MTG1: variants seen among roughly 807,000 people sequenced by gnomAD.
The protein encoded by MTG1 is mitochondrial ribosome associated GTPase 1, also known as mitochondrial ribosome-associated GTPase 1.
MTG1 carries 30 observed loss-of-function variants against 39.5 expected under a neutral mutation model. The observed-to-expected ratio is 0.76, with a 90% CI of 0.57 to 1.03. The LOEUF is 1.03. Ranked by LOEUF, MTG1 falls within the 50% of genes least tolerant of loss-of-function variation. The pLI, the probability that MTG1 is intolerant of heterozygous loss-of-function variation, is 0.00. For missense variants in MTG1, 513 were observed against 447.4 expected, an observed-to-expected ratio of 1.15 and a Z score of -1.32; for synonymous variants, 217 against 179.0, an observed-to-expected ratio of 1.21 and a Z score of -1.69.
At chr10:133,397,669 G>A (rs1056893987) in intron 3 of MTG1, among the ~76,000 whole-genome samples, 3 of 151,870 alleles carry the variant, frequency 2.0e-5, no homozygotes, top group South Asian at 2.1e-4. Context: ...TAGTAGAGAC[G>A]GGGTTTCACT....
chr10:133,408,826 G>T (rs1016199305), intron 9 of MTG1, among the ~76,000 whole-genome samples: 1 of 152,078 alleles, frequency 6.6e-6, no homozygotes, highest in African/African-American at 2.4e-5. Flanking sequence ...TTTCCAGTTC[G>T]TTGCTGTGTA....
chr10:133,394,918 G>A (rs1849758089), intron 1 of MTG1: 2 of 172,574 alleles, frequency 1.2e-5, no homozygotes, highest in Non-Finnish European at 2.3e-5. Context: ...GGGGGAAGAA[G>A]GGCCCGTGTG....
intron 10 of MTG1, among the ~76,000 whole-genome samples, 195 bp from the exon 11 acceptor site, chr10:133,419,831 T>G (rs903053287): frequency 2.0e-5 from 3 of 152,166 alleles, no homozygotes; most frequent in Admixed American, 1.3e-4. Flanking sequence ...GGTGGACACC[T>G]GCAGGCCTCA....
chr10:133,408,841 T>C (rs147632443), intron 9 of MTG1, among the ~76,000 whole-genome samples: 18 of 152,358 alleles, frequency 1.2e-4, no homozygotes, highest in African/African-American at 3.8e-4. Context: ...TGTGTAGTTG[T>C]TCGTAGTAGT....
At position 133,410,246 on chromosome 10, in the gene MTG1, G is replaced by A. The variant is rs550097776; in HGVS notation, c.752+7473G>A. Among the ~76,000 whole-genome samples, 89 of 152,092 alleles carry A rather than the reference G, an allele frequency of 5.9e-4. 1 individual carries two copies. Among genetic ancestry groups the A allele is most frequent in the Admixed American group, 2.9e-3 (44 of 15,274 alleles). On this transcript the variant is annotated intron_variant, in intron 9 of 10. Transcript: ENST00000317502. ...TTATTTATTTATTTTTTGTAGAGGC[G>A]AGGTCTTGCTATGTTGCTGAGGCTG...
chr10:133,402,714 C>G lies in MTG1; in HGVS notation c.693C>G (p.Val231=). ...CAGGAACGGTGCTGGACCACCTGGT[C>G]GGGGAGGAGACCATGGCTGACTACC... The part of the protein sequence containing the change: ...ALCGTVLDHL[V]GEETMADYLL... The change falls in exon 9 of 11, where the codon GTC becomes GTG. Residue 231 remains valine, a synonymous_variant. Coordinates refer to ENST00000317502, the MANE Select transcript of MTG1 (RefSeq NM_138384.4). This position sits in a 1 kb window ranked among gnomAD's most constrained non-coding sequence, Gnocchi z 4.7. 1 of 1,607,678 alleles carries G rather than the reference C, an allele frequency of 6.2e-7. No homozygotes were observed. The highest frequency in any genetic ancestry group is 8.5e-7 in the Non-Finnish European group (1 of 1,177,432).
chr10:133,394,652 C>G, intron 1 of MTG1: 1 of 1,192,022 alleles, frequency 8.4e-7, no homozygotes, highest in Non-Finnish European at 1.0e-6. Context: ...CCCTTTTAAT[C>G]CCCCGAAGCC....
chr10:133,410,419 A>T (rs942732495), intron 9 of MTG1, among the ~76,000 whole-genome samples: 1 of 152,118 alleles, frequency 6.6e-6, no homozygotes, highest in Non-Finnish European at 1.5e-5. Context: ...ATGGATAAAG[A>T]CTTAATATTG....
chr10:133,396,311 T>G, intron 3 of MTG1, 44 bp downstream of exon 3: 1 of 1,522,974 alleles, frequency 6.6e-7, no homozygotes, highest in Non-Finnish European at 9.1e-7. Flanking sequence ...GTGGCTGTGT[T>G]TTCCCGAGGT....
chr10:133,395,589 C>T, intron 1 of MTG1, 124 bp from the exon 2 acceptor site: 1 of 885,530 alleles, frequency 1.1e-6, no homozygotes, highest in Non-Finnish European at 1.8e-6. Context: ...ACTTAGTACG[C>T]TTCCCTCAGA....
intron 9 of MTG1, among the ~76,000 whole-genome samples, chr10:133,404,860 T>A (rs1849947749): frequency 2.0e-5 from 3 of 152,156 alleles, no homozygotes. Context: ...TATACGTGGG[T>A]CTGTTTGTGG....
At chr10:133,397,781 T>TG (rs1849809290) in intron 3 of MTG1, among the ~76,000 whole-genome samples, 1 of 144,564 alleles carries the variant, frequency 6.9e-6, no homozygotes, top group South Asian at 2.1e-4. Flanking sequence ...TCCAGCCTGT[T>TG]TTTTTTTTTT....
chr10:133,412,908 T>C (rs1197151975), intron 9 of MTG1, among the ~76,000 whole-genome samples: 7 of 152,258 alleles, frequency 4.6e-5, no homozygotes, highest in Admixed American at 3.9e-4. Context: ...AATTTCCCAC[T>C]GTAACTGAAT....
At chr10:133,412,251 C>G (rs1035521849) in intron 9 of MTG1, among the ~76,000 whole-genome samples, 2 of 152,224 alleles carry the variant, frequency 1.3e-5, no homozygotes, top group African/African-American at 4.8e-5. Context: ...TTCTACTTCT[C>G]TATTTGGTGA....
Sources: gnomAD v4.1 joint callset for allele counts (sites outside exome capture counted in the v4.1 genomes callset) on GRCh38, gnomAD v4.1.1 for gene constraint, Gnocchi (gnomAD v3.1) non-coding constraint, MANE v1.5 for transcripts, NCBI Gene and HGNC (gene_info 2026-07-23, HGNC 2026-07-21) for gene names.